RBFOX3: variants seen among roughly 807,000 people sequenced by gnomAD.
RBFOX3 encodes RNA binding fox-1 homolog 3, also known as RNA binding protein fox-1 homolog 3.
Under a neutral mutation model 48.7 loss-of-function variants are expected in RBFOX3, and 17 were observed. The ratio of observed to expected loss-of-function variants is 0.35; its 90% CI spans 0.24 to 0.52. The LOEUF is 0.52. Among genes scored for constraint, RBFOX3 ranks in the 20% least tolerant of loss-of-function variants. The pLI is 0.94. For synonymous variants in RBFOX3, 212 were observed against 209.5 expected, an observed-to-expected ratio of 1.01 and a Z score of -0.10; for missense variants, 382 against 497.5, an observed-to-expected ratio of 0.77 and a Z score of 2.21.
intron 4 of RBFOX3, among the ~76,000 whole-genome samples, chr17:79,117,868 C>G (rs116942220): frequency 2.0e-5 from 3 of 152,210 alleles, no homozygotes; most frequent in Non-Finnish European, 4.4e-5. Context: ...AACAATGACC[C>G]GATGTCAAAC....
rs147209036 is a variant in RBFOX3, at chr17:79,363,338, G to A, written c.-174-55514C>T. ...TGTGAATGGAGACTCTCTTGGCAAC[G>A]CCAGGGAGAGGAACAGGATTCCTGG... On this transcript the variant is annotated intron_variant, in intron 2 of 14. Coordinates refer to ENST00000693108, the MANE Select transcript of RBFOX3 (RefSeq NM_001350451.2). This position sits in a 1 kb window ranked among gnomAD's most constrained non-coding sequence, Gnocchi z 4.7. 2.6e-5 allele frequency among the ~76,000 whole-genome samples: 4 copies of A among 152,244 alleles called. No individual in the cohort carries two copies. The highest frequency in any genetic ancestry group is 4.4e-5 in the Non-Finnish European group (3 of 68,008).
At chr17:79,160,856 T>C (rs112165541) in intron 4 of RBFOX3, among the ~76,000 whole-genome samples, 117 of 152,014 alleles carry the variant, frequency 7.7e-4, no homozygotes, top group African/African-American at 2.7e-3. Context: ...GACGCACACC[T>C]GTAATCCCAA....
intron 1 of RBFOX3, among the ~76,000 whole-genome samples, chr17:79,574,363 C>A (rs1310420885): frequency 6.6e-6 from 1 of 152,156 alleles, no homozygotes; most frequent in Non-Finnish European, 1.5e-5. Flanking sequence ...AAACAGGATG[C>A]AGTAAAGAAG....
At chr17:79,656,683 GGGAA>G in the RBFOX3 span, among the ~76,000 whole-genome samples, 33 of 39,610 alleles carry the variant, frequency 8.3e-4, no homozygotes, top group Middle Eastern at 0.013. Flanking sequence ...GAAGGAAGGA[GGGAA>G]GGAAGGAAGG....
chr17:79,593,303 T>C (rs985972539), intron 1 of RBFOX3, among the ~76,000 whole-genome samples: 14 of 141,330 alleles, frequency 9.9e-5, no homozygotes, highest in Non-Finnish European at 1.6e-4. Context: ...GGGCGCGTCA[T>C]GTGTGCACGC....
chr17:79,494,433 C>T (rs552409126), intron 1 of RBFOX3, among the ~76,000 whole-genome samples: 6 of 152,246 alleles, frequency 3.9e-5, no homozygotes, highest in Non-Finnish European at 7.3e-5. Flanking sequence ...CTGCTCCCAC[C>T]GCACAGGCTG....
At chr17:79,213,447 C>G (rs1275841488) in intron 4 of RBFOX3, among the ~76,000 whole-genome samples, 1 of 152,248 alleles carries the variant, frequency 6.6e-6, no homozygotes, top group Non-Finnish European at 1.5e-5. Flanking sequence ...CTAAATCCAG[C>G]AACAGCCAGA....
chr17:79,512,546 A>G (rs1328239952), intron 1 of RBFOX3, among the ~76,000 whole-genome samples: 55 of 135,100 alleles, frequency 4.1e-4, no homozygotes, highest in African/African-American at 8.5e-4. Flanking sequence ...CATCGGGTAC[A>G]GCCCCATGGC....
At chr17:79,124,584 G>A (rs1339230154) in intron 4 of RBFOX3, among the ~76,000 whole-genome samples, 2 of 152,248 alleles carry the variant, frequency 1.3e-5, no homozygotes, top group Non-Finnish European at 2.9e-5. Context: ...CACGTGTCTG[G>A]CAAAAGTGAA....
At position 79,477,104 on chromosome 17, in the gene RBFOX3, G is replaced by A. The variant is rs762729485; in HGVS notation, c.-175+5350C>T. Among the ~76,000 whole-genome samples the A allele has an allele frequency of 5.3e-5, 8 of 151,284 alleles. No homozygotes were observed. The highest frequency in any genetic ancestry group is 3.9e-4 in the Admixed American group (6 of 15,198). ...AAAAATTAGCCAGGCGTGGTGGTGG[G>A]CGCCTGTAATCCCAGTTACTCGGGA... On this transcript the variant is annotated intron_variant, in intron 2 of 14. Coordinates refer to ENST00000693108, the MANE Select transcript of RBFOX3 (RefSeq NM_001350451.2). This position sits in a 1 kb window ranked among gnomAD's most constrained non-coding sequence, Gnocchi z 4.8.
chr17:79,346,705 A>G (rs928841518), intron 2 of RBFOX3, among the ~76,000 whole-genome samples: 5 of 152,208 alleles, frequency 3.3e-5, no homozygotes, highest in Non-Finnish European at 5.9e-5. Flanking sequence ...TGATATAAAA[A>G]CTTCCTATTC....
At chr17:79,631,391 G>A in the RBFOX3 span, among the ~76,000 whole-genome samples, 467 of 152,144 alleles carry the variant, frequency 3.1e-3, 1 homozygote, top group African/African-American at 0.011. Flanking sequence ...CACGGTGCAC[G>A]GGCCTATTTG....
chr17:79,095,378 C>T (rs866821931), intron 13 of RBFOX3, 135 bp downstream of exon 13: 3 of 714,734 alleles, frequency 4.2e-6, no homozygotes, highest in Middle Eastern at 5.0e-4. Context: ...AGACCTGCTC[C>T]CCTGTCCCGA....
At chr17:79,340,415 T>TA (rs1188111372) in intron 2 of RBFOX3, among the ~76,000 whole-genome samples, 5 of 152,214 alleles carry the variant, frequency 3.3e-5, no homozygotes, top group Admixed American at 6.5e-5. Flanking sequence ...TGAAAGCTTC[T>TA]ATTCGTTCTT....
intron 2 of RBFOX3, among the ~76,000 whole-genome samples, chr17:79,317,556 G>A (rs1011299266): frequency 1.3e-5 from 2 of 152,344 alleles, no homozygotes; most frequent in African/African-American, 4.8e-5. Flanking sequence ...CAGCAGCACC[G>A]ATGCCCGTGG....
At chr17:79,496,793 T>C (rs912720743) in intron 1 of RBFOX3, among the ~76,000 whole-genome samples, 6 of 152,136 alleles carry the variant, frequency 3.9e-5, no homozygotes, top group Non-Finnish European at 7.3e-5. Context: ...CCATGCGTTA[T>C]CTTAGGTGTT....
chr17:79,476,642 C>T (rs1364363929), intron 2 of RBFOX3, among the ~76,000 whole-genome samples: 2 of 152,188 alleles, frequency 1.3e-5, no homozygotes, highest in African/African-American at 2.4e-5. Flanking sequence ...GATGTCTTCT[C>T]ATCTCCTCTC....
Position 79,535,746 on chromosome 17 carries a change from C to T in RBFOX3, c.-319-53148G>A, listed in dbSNP as rs781838256. Among the ~76,000 whole-genome samples the T allele has an allele frequency of 6.6e-5, 10 of 152,196 alleles. No homozygotes were observed. Among genetic ancestry groups the T allele is most frequent in the Non-Finnish European group, 1.5e-4 (10 of 68,030 alleles). On this transcript the variant is annotated intron_variant, in intron 1 of 14. Coordinates refer to ENST00000693108, the MANE Select transcript of RBFOX3 (RefSeq NM_001350451.2). The surrounding 1 kb of genome is among the most constrained non-coding windows in gnomAD (Gnocchi z 4.5). ...AACGTGTCCTCTGCACCCAGGAAGC[C>T]TGCAGCACTGAGCCGTCTGCATTTG... is the stretch of plus-strand genomic sequence containing the variant.
chr17:79,143,103 A>G (rs141179221), intron 4 of RBFOX3, among the ~76,000 whole-genome samples: 242 of 152,266 alleles, frequency 1.6e-3, no homozygotes, highest in African/African-American at 5.6e-3. Context: ...CTGGGCTAAC[A>G]GTAAGAAGGG....
Sources: gnomAD v4.1 joint callset for allele counts (sites outside exome capture counted in the v4.1 genomes callset) on GRCh38, gnomAD v4.1.1 for gene constraint, Gnocchi (gnomAD v3.1) non-coding constraint, MANE v1.5 for transcripts, NCBI Gene and HGNC (gene_info 2026-07-23, HGNC 2026-07-21) for gene names.